Variants in ATRX observed in about 807,000 individuals in gnomAD.
ATRX encodes the protein chromatin remodeler ATRX.
A neutral mutation model predicts 172.6 loss-of-function variants in ATRX; 12 were observed. That is an observed-to-expected ratio of 0.07 (90% CI 0.04 to 0.11). The LOEUF is 0.11. Among genes scored for constraint, ATRX ranks in the 10% least tolerant of loss-of-function variants. ATRX has a pLI of 1.00. For synonymous variants in ATRX, 674 were observed against 594.7 expected (o/e 1.13, Z -1.94); for missense variants, 1,368 against 1,767.4 (o/e 0.77, Z 4.05).
rs1308577247 is a variant in ATRX at position 77,557,459 on chromosome X, G to A, written c.6691C>T (p.Leu2231=). Reference sequence around the variant, plus strand: ...AATCTAAATATGTTTACCTTTGGCAGCATGGGAGTATCCCTCTTCTTCTTC... The same window carrying A: ...AATCTAAATATGTTTACCTTTGGCAACATGGGAGTATCCCTCTTCTTCTTC... ...EKKKKRDTPM[L]PKDTILAELL... is the part of the protein sequence containing the mutation. The change falls in exon 30 of 35, where the codon CTG becomes TTG. Residue 2231 remains leucine (L), a synonymous_variant. Coordinates refer to ENST00000373344, the MANE Select transcript of ATRX (RefSeq NM_000489.6). 7 of 1,208,133 alleles carry A rather than the reference G, an allele frequency of 5.8e-6. No homozygotes were observed. The highest frequency in any genetic ancestry group is 3.5e-5 in the South Asian group (2 of 56,728).
At chrX:77,746,962 G>A (rs1219373135) in intron 1 of ATRX, among the ~76,000 whole-genome samples, 6 of 109,431 alleles carry the variant, frequency 5.5e-5, no homozygotes, top group East Asian at 5.8e-4. Flanking sequence ...CACCACGCCC[G>A]GCTAATTTTT....
chrX:77,704,891 C>G (rs562863535), intron 2 of ATRX, among the ~76,000 whole-genome samples: 2 of 112,048 alleles, frequency 1.8e-5, no homozygotes, highest in South Asian at 3.7e-4. Context: ...GGTCTGCAGC[C>G]CCCCCATGAT....
In ATRX at chrX:77,683,611, T is replaced by C. The variant is rs148513102; in HGVS notation, c.1645A>G (p.Ser549Gly). Residue 549 changes from serine to glycine, a missense_variant, in exon 9 of 35, where the codon AGC (serine) becomes GGC (glycine). By Grantham distance (56) the Ser-to-Gly change is moderately conservative. Coordinates refer to ENST00000373344, the MANE Select transcript of ATRX (RefSeq NM_000489.6). ...QSSVDHQGDG[S>G]SGTEQEVESS... is the part of the protein sequence containing the mutation. ...TCCACTTCTTGTTCAGTTCCACTGCTGCCATCCCCTTGATGATCAACTGAA... is the reference window on the plus strand; with the variant it reads ...TCCACTTCTTGTTCAGTTCCACTGCCGCCATCCCCTTGATGATCAACTGAA... The C allele has an allele frequency of 2.4e-5, 29 of 1,210,191 alleles. No homozygotes were observed. The highest frequency in any genetic ancestry group is 3.1e-5 in the Non-Finnish European group (28 of 895,182).
chrX:77,657,119 A>G (rs5959239), intron 12 of ATRX, among the ~76,000 whole-genome samples: 1,220 of 111,444 alleles, frequency 0.011, 16 homozygotes, highest in African/African-American at 0.038. Context: ...CAAAACTTGA[A>G]TAATGACCCC....
chrX:77,581,924 A>G (rs1850205619), intron 27 of ATRX, among the ~76,000 whole-genome samples: 1 of 111,959 alleles, frequency 8.9e-6, no homozygotes, highest in South Asian at 3.7e-4. Context: ...TTCCTGAATG[A>G]CCGGTGGGCC....
intron 1 of ATRX, among the ~76,000 whole-genome samples, chrX:77,738,268 A>G (rs1315610925): frequency 9.3e-6 from 1 of 107,124 alleles, no homozygotes; most frequent in African/African-American, 3.4e-5. Flanking sequence ...CTAGGAAGTC[A>G]AGGCTACAGT....
chrX:77,667,230 A>G (rs1410241118), intron 10 of ATRX, among the ~76,000 whole-genome samples: 2 of 108,704 alleles, frequency 1.8e-5, no homozygotes, highest in Non-Finnish European at 3.8e-5. Context: ...CTACACTGTC[A>G]TTTCTCATGG....
chrX:77,718,182 A>G (rs926969453), intron 1 of ATRX, among the ~76,000 whole-genome samples: 1 of 109,719 alleles, frequency 9.1e-6, no homozygotes, highest in African/African-American at 3.3e-5. Context: ...TTTATCGAAT[A>G]TATTTACTGA....
intron 1 of ATRX, among the ~76,000 whole-genome samples, chrX:77,735,267 G>A (rs1303997854): frequency 9.0e-6 from 1 of 111,670 alleles, no homozygotes; most frequent in Non-Finnish European, 1.9e-5. Context: ...TTCAAGGCCA[G>A]CCTGGCCAAC....
At chrX:77,605,973 T>A (rs1557090252) in intron 22 of ATRX, among the ~76,000 whole-genome samples, 1 of 111,561 alleles carries the variant, frequency 9.0e-6, no homozygotes, top group East Asian at 2.8e-4. Flanking sequence ...TGACCAACTA[T>A]ATGCCAATAA....
chrX:77,750,439 T>C (rs781804135), intron 1 of ATRX, among the ~76,000 whole-genome samples: 29 of 111,849 alleles, frequency 2.6e-4, no homozygotes, highest in African/African-American at 8.8e-4. Context: ...CATTAGAATG[T>C]AATAAACTTG....
Position 77,567,422 on chromosome X carries a change from G to A in ATRX, c.6326+6828C>T, listed in dbSNP as rs184414818. On this transcript the variant is annotated intron_variant, in intron 28 of 34. Transcript: ENST00000373344. ...GTAAAAGGATGAAAAACTATATACC[G>A]TGCAAACACCAATCAAAATAAAACA... 1.9e-4 allele frequency among the ~76,000 whole-genome samples: 21 copies of A among 111,285 alleles called. No individual in the cohort carries two copies. In the South Asian group the frequency reaches 2.6e-3, roughly 14 times the overall value.
intron 1 of ATRX, among the ~76,000 whole-genome samples, chrX:77,773,753 G>GA (rs782545298): frequency 1.8e-3 from 177 of 97,481 alleles, no homozygotes; most frequent in Non-Finnish European, 2.8e-3. Flanking sequence ...CTCTGTCTCA[G>GA]AAAAAAAAAA....
intron 30 of ATRX, among the ~76,000 whole-genome samples, chrX:77,546,871 T>C (rs903791599): frequency 3.6e-5 from 4 of 112,194 alleles, no homozygotes; most frequent in Non-Finnish European, 5.6e-5. Context: ...ATGTCAACTA[T>C]TGCCTCACAA....
intron 1 of ATRX, among the ~76,000 whole-genome samples, chrX:77,739,404 GAT>G (rs1311756883): frequency 1.9e-5 from 2 of 105,757 alleles, no homozygotes; most frequent in Non-Finnish European, 3.9e-5. Context: ...TATATAATCA[GAT>G]ATATATATAT....
chrX:77,777,566 G>GA (rs2076403460), intron 1 of ATRX, among the ~76,000 whole-genome samples: 1 of 111,291 alleles, frequency 9.0e-6, no homozygotes, highest in Admixed American at 9.7e-5. Context: ...AACCCTTTTG[G>GA]AAAAAATCCA....
Position 77,557,525 on chromosome X carries a change from T to C in ATRX, c.6625A>G (p.Thr2209Ala). 1.7e-6 allele frequency: 2 copies of C among 1,210,445 alleles called. No individual in the cohort carries two copies. Among genetic ancestry groups the C allele is most frequent in the South Asian group, 1.8e-5 (1 of 56,775 alleles). ...TCATCTAATAAGTCTGGCTCAAAAG[T>C]ATAAAGTTCAGTAAGCTCATTCATA... ...FTMNELTELYTFEPDLLDDPN... is the reference protein window; with the variant it reads ...FTMNELTELYAFEPDLLDDPN... The change falls in exon 30 of 35, where the codon ACT becomes GCT. Residue 2209 changes from threonine to alanine, a missense_variant. This residue lies in a region of ATRX where 18 missense variants were observed against 52.4 expected (regional missense o/e 0.34). Coordinates refer to ENST00000373344, the MANE Select transcript of ATRX (RefSeq NM_000489.6).
intron 30 of ATRX, among the ~76,000 whole-genome samples, chrX:77,526,238 GA>G (rs1223946525): frequency 9.1e-6 from 1 of 109,691 alleles, no homozygotes; most frequent in Non-Finnish European, 1.9e-5. Flanking sequence ...TATTCCCTTA[GA>G]AAAAAAAAGG....
intron 28 of ATRX, among the ~76,000 whole-genome samples, chrX:77,567,629 A>G (rs1261154894): frequency 9.2e-6 from 1 of 108,918 alleles, no homozygotes; most frequent in African/African-American, 3.4e-5. Flanking sequence ...GGAGATTTCA[A>G]CCTTCCTCTC....
Sources: gnomAD v4.1 joint callset for allele counts (sites outside exome capture counted in the v4.1 genomes callset) on GRCh38, gnomAD v4.1.1 for gene constraint, gnomAD v4.1.1 regional missense constraint, MANE v1.5 for transcripts, NCBI Gene and HGNC (gene_info 2026-07-23, HGNC 2026-07-21) for gene names.